Variants in PDE11A observed in about 807,000 individuals in gnomAD.
The protein encoded by PDE11A is dual 3',5'-cyclic-AMP and -GMP phosphodiesterase 11A.
Under a neutral mutation model 100.5 loss-of-function variants are expected in PDE11A, and 100 were observed. The ratio of observed to expected loss-of-function variants is 1.00; its 90% CI spans 0.85 to 1.18. The LOEUF (loss-of-function observed/expected upper bound fraction) is 1.18. PDE11A is among the 50% of genes most tolerant of loss of function. The pLI, the probability that PDE11A is intolerant of heterozygous loss-of-function variation, is 0.00. For missense variants in PDE11A, 1,141 were observed against 1,152.6 expected (o/e 0.99, Z 0.15); for synonymous variants, 381 against 420.8 (o/e 0.91, Z 1.16).
At chr2:177,934,110 TAAC>T (rs2085243530) in intron 2 of PDE11A, among the ~76,000 whole-genome samples, 1 of 151,984 alleles carries the variant, frequency 6.6e-6, no homozygotes, top group South Asian at 2.1e-4. Context: ...GCAATTACAA[TAAC>T]AACAACAAAA....
intron 2 of PDE11A, among the ~76,000 whole-genome samples, chr2:178,001,105 T>G (rs1025342580): frequency 4.6e-5 from 7 of 152,134 alleles, no homozygotes; most frequent in African/African-American, 1.7e-4. Flanking sequence ...ATCAACAGTG[T>G]TGTTGTGAGG....
chr2:178,105,172 C>T (rs181255887), intron 1 of PDE11A, among the ~76,000 whole-genome samples: 147 of 152,174 alleles, frequency 9.7e-4, no homozygotes, highest in African/African-American at 3.4e-3. Flanking sequence ...GTAGTAAAGA[C>T]CCTACTGGGT....
intron 19 of PDE11A, among the ~76,000 whole-genome samples, chr2:177,638,130 G>C (rs2080078942): frequency 6.6e-6 from 1 of 151,090 alleles, no homozygotes; most frequent in Non-Finnish European, 1.5e-5. Flanking sequence ...CTCCTGAGTA[G>C]CTGGAACTAC....
intron 6 of PDE11A, among the ~76,000 whole-genome samples, chr2:177,831,979 G>T (rs2083316385): frequency 6.6e-6 from 1 of 152,134 alleles, no homozygotes; most frequent in South Asian, 2.1e-4. Flanking sequence ...TATTACAGTA[G>T]GTATCTAGTC....
At chr2:178,069,205 TAAAC>T (rs2087091528) in intron 1 of PDE11A, among the ~76,000 whole-genome samples, 1 of 152,172 alleles carries the variant, frequency 6.6e-6, no homozygotes, top group Non-Finnish European at 1.5e-5. Context: ...TTTATTGAGA[TAAAC>T]AAAAATAATC....
chr2:177,934,557 C>T (rs988831321), intron 2 of PDE11A, among the ~76,000 whole-genome samples: 8 of 152,152 alleles, frequency 5.3e-5, no homozygotes, highest in African/African-American at 2.4e-5. Context: ...TTACTGTAGC[C>T]ACTGTGGAAA....
intron 5 of PDE11A, among the ~76,000 whole-genome samples, chr2:177,867,799 A>C (rs1435147008): frequency 1.3e-5 from 2 of 152,116 alleles, no homozygotes; most frequent in Non-Finnish European, 2.9e-5. Flanking sequence ...CAAAATCCTC[A>C]CTCATCATAC....
intron 10 of PDE11A, among the ~76,000 whole-genome samples, chr2:177,733,299 C>T (rs2081721421): frequency 1.3e-5 from 2 of 152,264 alleles, no homozygotes; most frequent in Non-Finnish European, 1.5e-5. Context: ...TACTTTACTG[C>T]AGCAATAAAT....
chr2:178,060,181 A>G (rs1414456230), intron 1 of PDE11A, among the ~76,000 whole-genome samples: 7 of 152,188 alleles, frequency 4.6e-5, no homozygotes, highest in Non-Finnish European at 8.8e-5. Flanking sequence ...AGAGCCATCT[A>G]TCAATCAGGA....
upstream of PDE11A, among the ~76,000 whole-genome samples, chr2:178,075,679 C>T (rs2087199320): frequency 6.6e-6 from 1 of 151,100 alleles, no homozygotes; most frequent in Admixed American, 6.6e-5. Flanking sequence ...CAACCAGATA[C>T]AAGCTAGAAG....
intron 6 of PDE11A, among the ~76,000 whole-genome samples, chr2:177,834,576 C>T (rs1309038350): frequency 6.6e-6 from 1 of 152,200 alleles, no homozygotes; most frequent in East Asian, 1.9e-4. Flanking sequence ...ACAGCCTGGG[C>T]CTGGGGTGGC....
intron 9 of PDE11A, among the ~76,000 whole-genome samples, chr2:177,812,734 TC>T (rs1453918439): frequency 1.3e-5 from 2 of 151,994 alleles, no homozygotes; most frequent in Non-Finnish European, 2.9e-5. Context: ...GCCCCTTGAC[TC>T]CCAGTAATCA....
At chr2:177,772,706 C>G (rs2082326482) in intron 9 of PDE11A, among the ~76,000 whole-genome samples, 1 of 134,536 alleles carries the variant, frequency 7.4e-6, no homozygotes, top group African/African-American at 3.1e-5. Context: ...TTCCCACTTC[C>G]TTTATTTAAA....
chr2:177,696,749 A>G (rs767592824), intron 15 of PDE11A, among the ~76,000 whole-genome samples: 3 of 152,198 alleles, frequency 2.0e-5, no homozygotes, highest in Non-Finnish European at 4.4e-5. Context: ...TCTTTAAGAT[A>G]GGAGAAAATT....
At chr2:177,776,543 C>T (rs1341283793) in intron 9 of PDE11A, among the ~76,000 whole-genome samples, 1 of 151,062 alleles carries the variant, frequency 6.6e-6, no homozygotes, top group East Asian at 1.9e-4. Context: ...GCCCCCCAAT[C>T]CCCACCAATT....
chr2:177,777,699 T>C (rs954887132), intron 9 of PDE11A, among the ~76,000 whole-genome samples: 1 of 152,232 alleles, frequency 6.6e-6, no homozygotes, highest in African/African-American at 2.4e-5. Context: ...TTGTAAGACA[T>C]GGTTTTATAA....
intron 1 of PDE11A, among the ~76,000 whole-genome samples, chr2:178,067,777 G>A (rs1036441305): frequency 2.0e-5 from 3 of 152,212 alleles, no homozygotes; most frequent in Non-Finnish European, 2.9e-5. Flanking sequence ...TTTGTACACC[G>A]ATAGGCCCTC....
chr2:177,921,739 T>G (rs2085052142), intron 2 of PDE11A: 1 of 152,194 alleles, frequency 6.6e-6, no homozygotes, highest in Non-Finnish European at 1.5e-5. Flanking sequence ...ACCTTGTATA[T>G]CTGCATCAAG....
At chr2:177,926,663 A>G (rs977006327) in intron 2 of PDE11A, among the ~76,000 whole-genome samples, 1 of 152,228 alleles carries the variant, frequency 6.6e-6, no homozygotes, top group African/African-American at 2.4e-5. Flanking sequence ...TGATAATTTC[A>G]TAGTATTTCA....
Sources: allele counts gnomAD v4.1 joint callset (sites outside exome capture counted in the v4.1 genomes callset), GRCh38; gene constraint gnomAD v4.1.1; transcripts MANE v1.5; gene names NCBI Gene and HGNC (gene_info 2026-07-23, HGNC 2026-07-21).